Variants in MTSS1 observed in about 807,000 individuals in gnomAD.
MTSS1 encodes MTSS I-BAR domain containing 1.
Under a neutral mutation model 79.0 loss-of-function variants are expected in MTSS1, and 18 were observed. The ratio of observed to expected loss-of-function variants is 0.23; its 90% CI spans 0.16 to 0.34. The LOEUF (loss-of-function observed/expected upper bound fraction) is 0.34, where lower values mean the gene tolerates loss of function less well. Ranked by LOEUF, MTSS1 falls within the 10% of genes least tolerant of loss-of-function variation. The pLI, the probability that MTSS1 is intolerant of heterozygous loss-of-function variation, is 1.00. For missense variants in MTSS1, 815 were observed against 986.2 expected (o/e 0.83, Z 2.33); for synonymous variants, 341 against 368.6 (o/e 0.93, Z 0.86).
intron 1 of MTSS1, among the ~76,000 whole-genome samples, chr8:124,720,179 A>C (rs1832701039): frequency 6.6e-6 from 1 of 152,252 alleles, no homozygotes; most frequent in Non-Finnish European, 1.5e-5. Flanking sequence ...ACAGGACAGG[A>C]CAAACAACAA....
chr8:124,712,927 G>A (rs957225472), intron 1 of MTSS1, among the ~76,000 whole-genome samples: 3 of 152,056 alleles, frequency 2.0e-5, no homozygotes, highest in Admixed American at 6.5e-5. Context: ...GCATTACTAG[G>A]TTGGATGCCC....
At chr8:124,704,042 C>T in intron 2 of MTSS1, 88 bp downstream of exon 2, 2 of 1,202,434 alleles carry the variant, frequency 1.7e-6, no homozygotes, top group Non-Finnish European at 2.5e-6. Flanking sequence ...CCTGAATCAA[C>T]CCTAATCAAT....
chr8:124,619,361 G>A (rs1563872861), intron 3 of MTSS1: 2 of 152,356 alleles, frequency 1.3e-5, no homozygotes, highest in Admixed American at 6.5e-5. Context: ...CCTAGACTGA[G>A]CAGCATTTCC....
At chr8:124,598,621 G>A (rs567890394) in intron 3 of MTSS1, among the ~76,000 whole-genome samples, 6 of 152,168 alleles carry the variant, frequency 3.9e-5, no homozygotes, top group Non-Finnish European at 7.3e-5. Flanking sequence ...ATCTTCATAA[G>A]CACAGAGATA....
intron 9 of MTSS1, 65 bp from the exon 10 acceptor site, chr8:124,563,057 A>G: frequency 7.6e-7 from 1 of 1,312,212 alleles, no homozygotes; most frequent in Non-Finnish European, 1.1e-6. Flanking sequence ...CAGTGGTAAG[A>G]GGAAGGAGGA....
intron 7 of MTSS1, chr8:124,568,091 T>C (rs1018908352): frequency 9.2e-6 from 7 of 764,620 alleles, no homozygotes; most frequent in Non-Finnish European, 1.4e-5. Context: ...TTCTAGCCAG[T>C]TCCCACGTGA....
rs1833972984 is a variant in MTSS1 at position 124,727,855 on chromosome 8, G to A, written c.72+29C>T. On this transcript the variant is annotated intron_variant, in intron 1 of 13. Coordinates refer to ENST00000518547, the MANE Select transcript of MTSS1 (RefSeq NM_014751.6). The surrounding 1 kb of genome is among the most constrained non-coding windows in gnomAD (Gnocchi z 4.7). ...CGGCGAGGTCAGAGCGCGGCGGCCG[G>A]CGCCGCAGCCGCACCCCCGGCGTCC... 2 of 1,561,416 alleles carry A rather than the reference G, an allele frequency of 1.3e-6. No homozygotes were observed. The highest frequency in any genetic ancestry group is 8.6e-7 in the Non-Finnish European group (1 of 1,158,434).
intron 6 of MTSS1, among the ~76,000 whole-genome samples, chr8:124,581,224 C>T (rs968134445): frequency 2.8e-5 from 4 of 142,632 alleles, no homozygotes; most frequent in African/African-American, 5.2e-5. Flanking sequence ...GAGGCTGAGG[C>T]GGGAAGATCC....
At chr8:124,711,697 C>T (rs563393616) in intron 1 of MTSS1, among the ~76,000 whole-genome samples, 1 of 152,192 alleles carries the variant, frequency 6.6e-6, no homozygotes, top group Admixed American at 6.5e-5. Context: ...TGGTCAGGAC[C>T]CCCAACCACA....
chr8:124,684,019 T>G (rs893241001), intron 3 of MTSS1, among the ~76,000 whole-genome samples: 1 of 152,220 alleles, frequency 6.6e-6, no homozygotes, highest in Non-Finnish European at 1.5e-5. Context: ...CACAACCATT[T>G]GGTTTGCAGC....
At chr8:124,650,668 A>G (rs1819797476) in intron 3 of MTSS1, among the ~76,000 whole-genome samples, 1 of 151,718 alleles carries the variant, frequency 6.6e-6, no homozygotes, top group South Asian at 2.1e-4. Context: ...GATCCTAACA[A>G]ACAAATCTTA....
intron 6 of MTSS1, among the ~76,000 whole-genome samples, chr8:124,579,066 T>C (rs1161378205): frequency 6.6e-6 from 1 of 152,218 alleles, no homozygotes; most frequent in Non-Finnish European, 1.5e-5. Context: ...CAGAGATTTC[T>C]CTTTGAAAGA....
At chr8:124,614,538 A>T (rs994222233) in intron 3 of MTSS1, among the ~76,000 whole-genome samples, 15 of 152,252 alleles carry the variant, frequency 9.9e-5, no homozygotes, top group African/African-American at 2.4e-5. Flanking sequence ...AACTTCACAA[A>T]GAGGCGCAGG....
intron 3 of MTSS1, among the ~76,000 whole-genome samples, chr8:124,671,473 T>G (rs972092163): frequency 6.6e-6 from 1 of 152,122 alleles, no homozygotes; most frequent in Admixed American, 6.5e-5. Context: ...CCTTCACTAG[T>G]CTCGCCCTCC....
At chr8:124,620,644 T>C (rs967053599) in intron 3 of MTSS1, among the ~76,000 whole-genome samples, 4 of 152,156 alleles carry the variant, frequency 2.6e-5, no homozygotes, top group African/African-American at 9.7e-5. Context: ...CCTAAAAAGC[T>C]AATTAAGTAC....
At position 124,585,171 on chromosome 8, in the gene MTSS1, A is replaced by G; in HGVS notation, c.386-10T>C. 6.2e-7 allele frequency: 1 copy of G among 1,605,396 alleles called. No individual in the cohort carries two copies. The highest frequency in any genetic ancestry group is 8.5e-7 in the Non-Finnish European group (1 of 1,174,142). ...CGGGCTTTCTTATATTCTAAGAGAA[A>G]GCAGAATATGGAACAATTTTACCAC... On this transcript the variant is annotated splice_polypyrimidine_tract_variant and intron_variant, in intron 5 of 13. Transcript: ENST00000518547.
intron 3 of MTSS1, among the ~76,000 whole-genome samples, chr8:124,601,411 C>A (rs1384510119): frequency 6.6e-6 from 1 of 152,180 alleles, no homozygotes. Flanking sequence ...GTTGCATCAC[C>A]AGCTTCCTTC....
chr8:124,572,235 T>A (rs1827941431), intron 6 of MTSS1, among the ~76,000 whole-genome samples: 1 of 152,202 alleles, frequency 6.6e-6, no homozygotes, highest in Non-Finnish European at 1.5e-5. Context: ...TCTCAAATTG[T>A]AGCATTCTAA....
Position 124,573,004 on chromosome 8 carries a change from C to T in MTSS1, c.461-4468G>A, listed in dbSNP as rs142677904. On this transcript the variant is annotated intron_variant, in intron 6 of 13. Coordinates refer to ENST00000518547, the MANE Select transcript of MTSS1 (RefSeq NM_014751.6). ...TCAAGTGATCCACCTGCCTCGGCCT[C>T]CCAAAGTGCTGGGATTACAGGCATG... is the stretch of plus-strand genomic sequence containing the variant. Among the ~76,000 whole-genome samples, 171 of 152,340 alleles carry T rather than the reference C, an allele frequency of 1.1e-3. 1 individual carries two copies. In the East Asian group the frequency reaches 0.031, roughly 28 times the overall value.
Sources: gnomAD v4.1 joint callset for allele counts (sites outside exome capture counted in the v4.1 genomes callset) on GRCh38, gnomAD v4.1.1 for gene constraint, Gnocchi (gnomAD v3.1) non-coding constraint, MANE v1.5 for transcripts, NCBI Gene and HGNC (gene_info 2026-07-23, HGNC 2026-07-21) for gene names.